The following SGCZ variants were observed in gnomAD, a reference collection of about 807,000 sequenced individuals.
The protein encoded by SGCZ is sarcoglycan zeta, also known as zeta-sarcoglycan.
Under a neutral mutation model 41.3 loss-of-function variants are expected in SGCZ, and 40 were observed. The ratio of observed to expected loss-of-function variants is 0.97; its 90% CI spans 0.75 to 1.26. The LOEUF is 1.26. Among genes scored for constraint, SGCZ ranks in the 50% most tolerant of loss-of-function variants. SGCZ has a pLI of 0.00. For synonymous variants in SGCZ, 206 were observed against 137.5 expected (o/e 1.50, Z -3.49); for missense variants, 552 against 369.8 (o/e 1.49, Z -4.04).
chr8:14,096,598 T>G (rs942408699), intron 7 of SGCZ, among the ~76,000 whole-genome samples: 1 of 152,178 alleles, frequency 6.6e-6, no homozygotes, highest in Admixed American at 6.5e-5. Context: ...GGTTTTGGTA[T>G]CAGGATGATG....
At chr8:14,215,908 G>A (rs370334996) in intron 4 of SGCZ, among the ~76,000 whole-genome samples, 1 of 152,220 alleles carries the variant, frequency 6.6e-6, no homozygotes, top group South Asian at 2.1e-4. Flanking sequence ...AAAGACAGAT[G>A]AAGGAATGCA....
intron 2 of SGCZ, among the ~76,000 whole-genome samples, chr8:14,475,755 G>GAT (rs1199703994): frequency 2.6e-4 from 40 of 151,932 alleles, no homozygotes; most frequent in African/African-American, 3.4e-4. Context: ...CCATATCAAT[G>GAT]ATATATATAT....
At chr8:14,243,735 G>C (rs1452816486) in intron 3 of SGCZ, among the ~76,000 whole-genome samples, 1 of 152,058 alleles carries the variant, frequency 6.6e-6, no homozygotes, top group East Asian at 1.9e-4. Flanking sequence ...AAAAAGTATA[G>C]ACATTTTTCC....
chr8:14,827,261 A>T (rs1267607893), intron 1 of SGCZ, among the ~76,000 whole-genome samples: 1 of 147,642 alleles, frequency 6.8e-6, no homozygotes, highest in Non-Finnish European at 1.5e-5. Flanking sequence ...TTTTGAGACA[A>T]AGTCTCACTC....
chr8:14,775,318 G>C (rs940523824), intron 1 of SGCZ, among the ~76,000 whole-genome samples: 1 of 152,032 alleles, frequency 6.6e-6, no homozygotes, highest in Admixed American at 6.5e-5. Flanking sequence ...TAGTAATATT[G>C]AGCAACTGCA....
chr8:14,806,522 C>G (rs1453894268), intron 1 of SGCZ, among the ~76,000 whole-genome samples: 1 of 152,172 alleles, frequency 6.6e-6, no homozygotes, highest in Non-Finnish European at 1.5e-5. Flanking sequence ...TTTCCCAAGA[C>G]TAAACCAGGA....
At chr8:14,370,695 A>G (rs1487162486) in intron 2 of SGCZ, among the ~76,000 whole-genome samples, 1 of 151,950 alleles carries the variant, frequency 6.6e-6, no homozygotes, top group Non-Finnish European at 1.5e-5. Flanking sequence ...TAAGCATACT[A>G]GTTACACAGC....
At chr8:14,706,904 T>C (rs982538138) in intron 1 of SGCZ, among the ~76,000 whole-genome samples, 1 of 151,786 alleles carries the variant, frequency 6.6e-6, no homozygotes, top group African/African-American at 2.4e-5. Flanking sequence ...AAATGTAAAA[T>C]ACAGCCAGAA....
At chr8:14,468,530 G>T (rs1229209268) in intron 2 of SGCZ, among the ~76,000 whole-genome samples, 1 of 152,048 alleles carries the variant, frequency 6.6e-6, no homozygotes, top group South Asian at 2.1e-4. Context: ...TAGATCTTGA[G>T]AGCAAAGGTG....
chr8:14,643,941 C>T (rs1807116082), intron 1 of SGCZ, among the ~76,000 whole-genome samples: 1 of 151,060 alleles, frequency 6.6e-6, no homozygotes, highest in Admixed American at 6.6e-5. Flanking sequence ...CATTATAAGT[C>T]AGTGTGAATG....
intron 1 of SGCZ, among the ~76,000 whole-genome samples, chr8:15,196,886 C>T (rs1800749343): frequency 6.6e-6 from 1 of 152,192 alleles, no homozygotes; most frequent in South Asian, 2.1e-4. Flanking sequence ...CCAGGCCCCA[C>T]GGTTGTTGCT....
intron 1 of SGCZ, among the ~76,000 whole-genome samples, chr8:14,711,476 C>T (rs1036765593): frequency 2.7e-5 from 4 of 150,778 alleles, no homozygotes; most frequent in African/African-American, 9.7e-5. Flanking sequence ...ATGGCGCATG[C>T]CTGTAGTCCC....
At chr8:14,877,867 C>G (rs1804421499) in intron 1 of SGCZ, among the ~76,000 whole-genome samples, 1 of 151,974 alleles carries the variant, frequency 6.6e-6, no homozygotes, top group African/African-American at 2.4e-5. Context: ...TTTTCATGTT[C>G]CTTTCTGTTA....
intron 1 of SGCZ, among the ~76,000 whole-genome samples, chr8:14,851,780 C>T (rs560357068): frequency 4.6e-5 from 7 of 151,912 alleles, no homozygotes; most frequent in African/African-American, 1.7e-4. Flanking sequence ...GACTTCAGAG[C>T]GAATACTTTC....
intron 3 of SGCZ, among the ~76,000 whole-genome samples, chr8:14,261,471 T>C (rs1278578535): frequency 2.0e-5 from 3 of 152,172 alleles, no homozygotes; most frequent in South Asian, 2.1e-4. Context: ...ACCAATATTG[T>C]TCTTCTGAAG....
intron 1 of SGCZ, among the ~76,000 whole-genome samples, chr8:14,783,279 C>A (rs1800646371): frequency 6.6e-6 from 1 of 151,932 alleles, no homozygotes; most frequent in African/African-American, 2.4e-5. Context: ...ACTGAAGATA[C>A]AAAAATTAAC....
intron 1 of SGCZ, among the ~76,000 whole-genome samples, chr8:14,562,933 A>G (rs11990300): frequency 0.98 from 149,536 of 152,324 alleles, 73,449 homozygotes; most frequent in East Asian, 1. Context: ...AATGTCAGCA[A>G]ATCACCCAGT....
intron 1 of SGCZ, among the ~76,000 whole-genome samples, chr8:15,166,836 T>C (rs915937834): frequency 2.6e-5 from 4 of 152,172 alleles, no homozygotes; most frequent in Non-Finnish European, 5.9e-5. Context: ...TGCTCTCAAA[T>C]ACAGCCTTCT....
chr8:14,614,684 A>T (rs985915684), intron 1 of SGCZ, among the ~76,000 whole-genome samples: 106 of 152,158 alleles, frequency 7.0e-4, no homozygotes, highest in Middle Eastern at 6.3e-3. Context: ...TTTTTAAAAG[A>T]AGATGACTAC....
Sources: allele counts gnomAD v4.1 joint callset (sites outside exome capture counted in the v4.1 genomes callset), GRCh38; gene constraint gnomAD v4.1.1; transcripts MANE v1.5; gene names NCBI Gene and HGNC (gene_info 2026-07-23, HGNC 2026-07-21).